Variants in AHCY observed in about 807,000 individuals in gnomAD.
The protein encoded by AHCY is adenosylhomocysteinase, also known as S-adenosyl-L-homocysteine hydrolase.
Under a neutral mutation model 45.4 loss-of-function variants are expected in AHCY, and 24 were observed. The observed-to-expected ratio is 0.53, with a 90% confidence interval of 0.38 to 0.74. The LOEUF is 0.74. Ranked by LOEUF, AHCY falls within the 30% of genes least tolerant of loss-of-function variation. The pLI, the probability that AHCY is intolerant of heterozygous loss-of-function variation, is 0.00. For synonymous variants in AHCY, 245 were observed against 235.1 expected (o/e 1.04, Z -0.39); for missense variants, 449 against 594.1 (o/e 0.76, Z 2.54).
chr20:34,235,876 A>AG, the AHCY span, among the ~76,000 whole-genome samples: 307 of 94,848 alleles, frequency 3.2e-3, 11 homozygotes, highest in African/African-American at 8.4e-3. Context: ...AAAGGAAGGA[A>AG]GGAAGGAAGG....
chr20:34,255,112 GT>G, the AHCY span, among the ~76,000 whole-genome samples: 1 of 152,118 alleles, frequency 6.6e-6, no homozygotes, highest in Non-Finnish European at 1.5e-5. Context: ...AACTGAGCTT[GT>G]ACCTACATTA....
At chr20:34,297,741 T>A (rs2122797407) in intron 1 of AHCY, among the ~76,000 whole-genome samples, 2 of 152,324 alleles carry the variant, frequency 1.3e-5, no homozygotes, top group Middle Eastern at 6.8e-3. Context: ...CACTTCCCAA[T>A]TCACTGAGAT....
chr20:34,274,666 C>CAGG, the AHCY span, among the ~76,000 whole-genome samples: 1 of 152,024 alleles, frequency 6.6e-6, no homozygotes, highest in Non-Finnish European at 1.5e-5. Flanking sequence ...TCAAGAGGGG[C>CAGG]TGGGGTATGG....
At chr20:34,285,325 T>A in intron 9 of AHCY, 115 bp downstream of exon 9, 1 of 1,142,990 alleles carries the variant, frequency 8.7e-7, no homozygotes, top group Middle Eastern at 2.8e-4. Context: ...GAGGACCCCA[T>A]GAGGGCCTCT....
At position 34,302,184 on chromosome 20, in the gene AHCY, A is replaced by G. The variant is rs1432290613; in HGVS notation, c.28+1059T>C. Among the ~76,000 whole-genome samples the G allele has an allele frequency of 3.9e-5, 6 of 152,112 alleles. No individual in the cohort carries two copies. In the East Asian group the frequency reaches 1.2e-3, roughly 29 times the overall value. ...CCCAGCTAGTTTTTGTATTTTTGGT[A>G]GAGATAGCGTTTCACCACGTTGGCC... On this transcript the variant is annotated intron_variant, in intron 1 of 9. Transcript: ENST00000217426.
At chr20:34,289,174 T>TTTTG (rs1046632820) in intron 8 of AHCY, among the ~76,000 whole-genome samples, 1 of 150,694 alleles carries the variant, frequency 6.6e-6, no homozygotes, top group Non-Finnish European at 1.5e-5. Context: ...CAGCTGATTT[T>TTTTG]TTTGTTTGTT....
At chr20:34,268,913 C>G in the AHCY span, 48 of 1,515,422 alleles carry the variant, frequency 3.2e-5, no homozygotes, top group Non-Finnish European at 3.8e-5. Context: ...CTCCCTAGCC[C>G]GAGGAGCTCC....
At chr20:34,269,657 GAA>G in the AHCY span, among the ~76,000 whole-genome samples, 6 of 151,666 alleles carry the variant, frequency 4.0e-5, no homozygotes, top group Non-Finnish European at 8.8e-5. Context: ...CGGAAAGAAA[GAA>G]AGAGGCCAAG....
chr20:34,238,735 GA>G, the AHCY span, among the ~76,000 whole-genome samples: 3 of 152,010 alleles, frequency 2.0e-5, no homozygotes, highest in Non-Finnish European at 4.4e-5. Flanking sequence ...TTTTTTGGTT[GA>G]AAACTAGACA....
chr20:34,253,417 T>C, the AHCY span, among the ~76,000 whole-genome samples: 1 of 149,510 alleles, frequency 6.7e-6, no homozygotes, highest in South Asian at 2.1e-4. Context: ...GATCTCTCTT[T>C]CTTTTCCCTA....
chr20:34,287,741 A>G (rs569782045), intron 8 of AHCY, among the ~76,000 whole-genome samples: 22 of 152,134 alleles, frequency 1.4e-4, no homozygotes, highest in African/African-American at 5.3e-4. Context: ...GGAGAAGGGC[A>G]TGTGTTCTGT....
chr20:34,251,036 TC>T, the AHCY span, among the ~76,000 whole-genome samples: 10 of 152,048 alleles, frequency 6.6e-5, no homozygotes, highest in African/African-American at 2.2e-4. Context: ...TCAACAAGAC[TC>T]CTGGGTTACA....
upstream of AHCY, among the ~76,000 whole-genome samples, chr20:34,304,758 G>C (rs543930076): frequency 3.6e-4 from 55 of 151,874 alleles, 1 homozygote; most frequent in African/African-American, 1.1e-3. Context: ...GCATGATCTT[G>C]GCTCACACCA....
At chr20:34,247,038 G>C in the AHCY span, among the ~76,000 whole-genome samples, 1 of 151,822 alleles carries the variant, frequency 6.6e-6, no homozygotes, top group African/African-American at 2.4e-5. Flanking sequence ...TATCACCCAG[G>C]CTGGAGTGCA....
chr20:34,305,013 G>T (rs1478035740), upstream of AHCY, among the ~76,000 whole-genome samples: 1 of 149,814 alleles, frequency 6.7e-6, no homozygotes, highest in Admixed American at 6.7e-5. Context: ...ACCTAAAAAT[G>T]AGAAAAGAAT....
chr20:34,241,414 T>C, the AHCY span: 1 of 980,996 alleles, frequency 1.0e-6, no homozygotes, highest in South Asian at 4.7e-5. Context: ...AAGTTATAGA[T>C]GAGCAAGCAG....
At chr20:34,278,524 G>T (rs1483482366), downstream of AHCY, among the ~76,000 whole-genome samples, 2 of 152,160 alleles carry the variant, frequency 1.3e-5, no homozygotes, top group South Asian at 2.1e-4. Context: ...CCCAGTAGAA[G>T]AACTGAGGCA....
upstream of AHCY, among the ~76,000 whole-genome samples, chr20:34,307,548 T>C (rs532316560): frequency 9.2e-5 from 14 of 152,298 alleles, no homozygotes; most frequent in East Asian, 2.5e-3. Context: ...AATTTTGTAT[T>C]TTTAGTAGAG....
chr20:34,307,592 G>A (rs1426950954), upstream of AHCY, among the ~76,000 whole-genome samples: 3 of 152,102 alleles, frequency 2.0e-5, no homozygotes, highest in Non-Finnish European at 4.4e-5. Flanking sequence ...GGCTGGTCTC[G>A]AACTCCTGAC....
Sources: gnomAD v4.1 joint callset for allele counts (sites outside exome capture counted in the v4.1 genomes callset) on GRCh38, gnomAD v4.1.1 for gene constraint, MANE v1.5 for transcripts, NCBI Gene and HGNC (gene_info 2026-07-23, HGNC 2026-07-21) for gene names.